Variants in RUNX1T1 observed in about 807,000 individuals in gnomAD.
RUNX1T1 encodes the protein RUNX1 partner transcriptional co-repressor 1.
RUNX1T1 carries 4 observed loss-of-function variants against 62.8 expected under a neutral mutation model. The ratio of observed to expected loss-of-function variants is 0.06; its 90% CI spans 0.03 to 0.15. The LOEUF is 0.15. RUNX1T1 is among the 10% of genes least tolerant of loss of function. RUNX1T1 has a pLI of 1.00. For synonymous variants in RUNX1T1, 291 were observed against 286.0 expected (o/e 1.02, Z -0.18); for missense variants, 508 against 754.3 (o/e 0.67, Z 3.82).
At chr8:92,011,870 A>G (rs1360378729) in intron 3 of RUNX1T1, among the ~76,000 whole-genome samples, 1 of 152,186 alleles carries the variant, frequency 6.6e-6, no homozygotes, top group African/African-American at 2.4e-5. Context: ...TGGTAAAAGC[A>G]TCTACTTAAT....
exon 11 of RUNX1T1, chr8:91,959,017 G>C: frequency 4.9e-6 from 1 of 202,718 alleles, no homozygotes; most frequent in Non-Finnish European, 1.0e-5. Flanking sequence ...AAGCAGCATA[G>C]AAAGATACAG....
intron 8 of RUNX1T1, among the ~76,000 whole-genome samples, chr8:91,978,919 T>A (rs1271950444): frequency 6.6e-6 from 1 of 152,206 alleles, no homozygotes; most frequent in Admixed American, 6.5e-5. Flanking sequence ...TTAACTGACA[T>A]AGAAACCCAA....
At chr8:92,073,766 C>T (rs1040188818) in intron 2 of RUNX1T1, among the ~76,000 whole-genome samples, 16 of 152,236 alleles carry the variant, frequency 1.1e-4, no homozygotes, top group African/African-American at 3.1e-4. Context: ...GTGCAATCAT[C>T]GCTCACTGCA....
intron 1 of RUNX1T1, among the ~76,000 whole-genome samples, chr8:92,084,041 T>C (rs563281088): frequency 1.3e-5 from 2 of 151,538 alleles, no homozygotes; most frequent in South Asian, 2.1e-4. Flanking sequence ...TAAGTGGGAG[T>C]TGAACAATGA....
At chr8:91,995,494 A>C (rs1054929670) in intron 5 of RUNX1T1, among the ~76,000 whole-genome samples, 1 of 152,206 alleles carries the variant, frequency 6.6e-6, no homozygotes, top group Non-Finnish European at 1.5e-5. Flanking sequence ...CAGTTGTGAA[A>C]CATTAACACT....
chr8:91,970,043 T>TGTGTGTGTGTGTG (rs11374252), intron 10 of RUNX1T1, among the ~76,000 whole-genome samples: 1 of 142,718 alleles, frequency 7.0e-6, no homozygotes, highest in African/African-American at 2.7e-5. Context: ...TGTGTGTGTG[T>TGTGTGTGTGTGTG]TGTGTGTGTG....
At chr8:91,999,762 A>G (rs1430358283) in intron 5 of RUNX1T1, among the ~76,000 whole-genome samples, 2 of 152,194 alleles carry the variant, frequency 1.3e-5, no homozygotes, top group African/African-American at 4.8e-5. Flanking sequence ...TATATTATTT[A>G]TAATTGGGAA....
intron 1 of RUNX1T1, among the ~76,000 whole-genome samples, chr8:92,080,491 T>C (rs540837824): frequency 1.3e-5 from 2 of 152,366 alleles, no homozygotes; most frequent in African/African-American, 4.8e-5. Context: ...ACACTGTGAC[T>C]GGGAACTGCA....
intron 8 of RUNX1T1, among the ~76,000 whole-genome samples, chr8:91,985,087 G>A (rs772581397): frequency 1.1e-4 from 17 of 152,176 alleles, no homozygotes; most frequent in Non-Finnish European, 2.1e-4. Context: ...TGGATAATCA[G>A]CCATGGTACT....
intron 1 of RUNX1T1, chr8:92,019,017 T>C (rs1563769794): frequency 6.6e-6 from 1 of 152,150 alleles, no homozygotes; most frequent in Non-Finnish European, 1.5e-5. Flanking sequence ...GTTAAAAACT[T>C]GTCTTCAGAT....
intron 2 of RUNX1T1, among the ~76,000 whole-genome samples, chr8:92,015,747 A>T (rs1331473962): frequency 6.6e-6 from 1 of 152,214 alleles, no homozygotes; most frequent in African/African-American, 2.4e-5. Flanking sequence ...TAATTTTGAT[A>T]TAGTTTGAAA....
intron 1 of RUNX1T1, among the ~76,000 whole-genome samples, chr8:92,085,708 C>A (rs1374466978): frequency 6.6e-6 from 1 of 152,082 alleles, no homozygotes; most frequent in Non-Finnish European, 1.5e-5. Flanking sequence ...TCAGACAAAA[C>A]AAGATAAAGA....
intron 1 of RUNX1T1, among the ~76,000 whole-genome samples, chr8:92,096,691 T>C (rs954571747): frequency 2.6e-5 from 4 of 152,126 alleles, no homozygotes; most frequent in Non-Finnish European, 4.4e-5. Context: ...AATTACACAA[T>C]TGTTCATGGT....
chr8:91,959,456 GTGTGTGTGTGTA>G (rs1451413967), exon 11 of RUNX1T1: 4 of 121,036 alleles, frequency 3.3e-5, no homozygotes, highest in Middle Eastern at 2.5e-3. Flanking sequence ...GTGTGTGTGT[GTGTGTGTGTGTA>G]TATGTGCGTG....
At chr8:92,071,873 TCTCA>T in intron 2 of RUNX1T1, among the ~76,000 whole-genome samples, 1 of 152,260 alleles carries the variant, frequency 6.6e-6, no homozygotes, top group South Asian at 2.1e-4. Flanking sequence ...AACATTCTCC[TCTCA>T]CTCTCTCTCA....
In RUNX1T1 at chr8:91,961,792, T is replaced by C. The variant is rs1239521127; in HGVS notation, c.1459-1275A>G. Reference sequence around the variant, plus strand: ...ATCTTAGCTTTATGTCATTCAACTTTTTATTCTTTAACTTCATTGGTTTTG... The same window carrying C: ...ATCTTAGCTTTATGTCATTCAACTTCTTATTCTTTAACTTCATTGGTTTTG... On this transcript the variant is annotated intron_variant, in intron 10 of 10. Coordinates refer to ENST00000396218, the Ensembl canonical transcript of RUNX1T1. Among the ~76,000 whole-genome samples the C allele has an allele frequency of 2.6e-5, 4 of 152,228 alleles. No homozygotes were observed. The East Asian group carries it at 7.7e-4, about 29-fold the overall frequency.
At chr8:92,061,647 T>C (rs1475495762) in intron 1 of RUNX1T1, among the ~76,000 whole-genome samples, 2 of 152,318 alleles carry the variant, frequency 1.3e-5, no homozygotes, top group Middle Eastern at 3.4e-3. Context: ...TGCAGAAAAC[T>C]GGCAGATAAT....
upstream of RUNX1T1, among the ~76,000 whole-genome samples, chr8:92,067,102 T>C (rs528680769): frequency 6.6e-6 from 1 of 152,148 alleles, no homozygotes; most frequent in Non-Finnish European, 1.5e-5. Flanking sequence ...TGTATAAACA[T>C]CATGAGGTTA....
chr8:92,069,539 G>A (rs977819766), intron 2 of RUNX1T1, among the ~76,000 whole-genome samples: 11 of 151,880 alleles, frequency 7.2e-5, no homozygotes, highest in African/African-American at 2.2e-4. Context: ...AATCTGCCAC[G>A]TTTATAAACA....
Sources: gnomAD v4.1 joint callset for allele counts (sites outside exome capture counted in the v4.1 genomes callset) on GRCh38, gnomAD v4.1.1 for gene constraint, MANE v1.5 for transcripts, NCBI Gene and HGNC (gene_info 2026-07-23, HGNC 2026-07-21) for gene names.